The following HDAC9 variants were observed in gnomAD, a reference collection of about 807,000 sequenced individuals.
HDAC9 encodes histone deacetylase 9, also known as MEF-2 interacting transcription repressor (MITR) protein.
In HDAC9, 41 loss-of-function variants were observed where a neutral mutation model predicts 139.4. That is an observed-to-expected ratio of 0.29 (90% CI 0.23 to 0.38). HDAC9 has a LOEUF of 0.38. Among genes scored for constraint, HDAC9 ranks in the 10% least tolerant of loss-of-function variants. HDAC9 has a pLI of 1.00. For missense variants in HDAC9, 1,147 were observed against 1,297.0 expected, an observed-to-expected ratio of 0.88 and a Z score of 1.78; for synonymous variants, 517 against 476.2, an observed-to-expected ratio of 1.09 and a Z score of -1.12.
At chr7:18,194,829 A>G (rs2128154090) in intron 2 of HDAC9, among the ~76,000 whole-genome samples, 1 of 152,212 alleles carries the variant, frequency 6.6e-6, no homozygotes, top group Non-Finnish European at 1.5e-5. Context: ...TTGCTTGCCA[A>G]TGTGGTATTT....
intron 2 of HDAC9, among the ~76,000 whole-genome samples, chr7:18,281,248 A>T (rs954886385): frequency 1.3e-5 from 2 of 152,230 alleles, no homozygotes; most frequent in African/African-American, 4.8e-5. Context: ...AACTTTCTAT[A>T]TGATGACCTT....
intron 13 of HDAC9, among the ~76,000 whole-genome samples, chr7:18,730,675 C>T (rs1785966150): frequency 6.6e-6 from 1 of 152,174 alleles, no homozygotes; most frequent in African/African-American, 2.4e-5. Context: ...ATGCTGTGGC[C>T]ATAGCTTTTG....
chr7:18,348,213 A>G (rs1782574497), intron 1 of HDAC9, among the ~76,000 whole-genome samples: 1 of 152,218 alleles, frequency 6.6e-6, no homozygotes, highest in African/African-American at 2.4e-5. Flanking sequence ...GGAAACATTT[A>G]TCTGATTTAA....
chr7:18,987,534 TG>T (rs1231219323), intron 25 of HDAC9, among the ~76,000 whole-genome samples: 1 of 152,242 alleles, frequency 6.6e-6, no homozygotes, highest in Admixed American at 6.5e-5. Flanking sequence ...TTCTCTTTTT[TG>T]GTTGTGTCTC....
At chr7:18,313,518 T>C (rs548930085) in intron 1 of HDAC9, among the ~76,000 whole-genome samples, 32 of 152,296 alleles carry the variant, frequency 2.1e-4, no homozygotes, top group African/African-American at 7.5e-4. Flanking sequence ...AGTAAAGATG[T>C]GGAACACACT....
chr7:18,382,848 A>G (rs147435352), intron 1 of HDAC9, among the ~76,000 whole-genome samples: 309 of 152,346 alleles, frequency 2.0e-3, no homozygotes, highest in South Asian at 4.8e-3. Context: ...AACTTAAGGA[A>G]GTATAGAACA....
chr7:18,388,667 G>A lies in HDAC9; in HGVS notation c.-42+98152G>A, dbSNP rs1041197621. On this transcript the variant is annotated intron_variant, in intron 1 of 3. Coordinates refer to the HDAC9 transcript ENST00000413509. Reference sequence around the variant, plus strand: ...CTCTTTTTCTTTCTTTCCATGCCCCGTGCTTCTTTCTCTACTCAGTGGTGG... The same window carrying A: ...CTCTTTTTCTTTCTTTCCATGCCCCATGCTTCTTTCTCTACTCAGTGGTGG... Among the ~76,000 whole-genome samples the A allele has an allele frequency of 3.9e-5, 6 of 151,986 alleles. No individual in the cohort carries two copies. In the East Asian group the frequency reaches 5.8e-4, roughly 15 times the overall value.
intron 23 of HDAC9, among the ~76,000 whole-genome samples, chr7:18,944,218 A>C (rs1782213768): frequency 6.6e-6 from 1 of 152,126 alleles, no homozygotes; most frequent in Non-Finnish European, 1.5e-5. Context: ...TCTTCATTAC[A>C]ATCTGCTTCC....
intron 23 of HDAC9, among the ~76,000 whole-genome samples, chr7:18,948,627 G>A (rs1336654529): frequency 1.3e-5 from 2 of 151,928 alleles, no homozygotes; most frequent in Admixed American, 1.3e-4. Flanking sequence ...ACACATTTTT[G>A]TATCCCCACC....
At chr7:18,965,233 A>G (rs1240850252) in intron 24 of HDAC9, among the ~76,000 whole-genome samples, 1 of 152,326 alleles carries the variant, frequency 6.6e-6, no homozygotes, top group South Asian at 2.1e-4. Flanking sequence ...ATAATTCACT[A>G]TTCATGTTGG....
chr7:18,556,106 T>G (rs1200046741), intron 2 of HDAC9, among the ~76,000 whole-genome samples: 2 of 151,976 alleles, frequency 1.3e-5, no homozygotes, highest in East Asian at 3.9e-4. Flanking sequence ...GCTTCAAAAG[T>G]TTCAGGTTAT....
chr7:18,272,416 T>C (rs1796411131), intron 2 of HDAC9, among the ~76,000 whole-genome samples: 1 of 152,124 alleles, frequency 6.6e-6, no homozygotes, highest in African/African-American at 2.4e-5. Context: ...AGGGATAATT[T>C]TTTTCTACAA....
intron 12 of HDAC9, among the ~76,000 whole-genome samples, chr7:18,707,280 G>A (rs1010423240): frequency 6.6e-6 from 1 of 152,216 alleles, no homozygotes; most frequent in Non-Finnish European, 1.5e-5. Flanking sequence ...AGGTAAAGAG[G>A]TCACTAGTCA....
intron 1 of HDAC9, among the ~76,000 whole-genome samples, chr7:18,139,537 A>C (rs573994491): frequency 6.6e-6 from 1 of 152,302 alleles, no homozygotes; most frequent in Admixed American, 6.5e-5. Context: ...TGTCAGGGAA[A>C]AGTAAAGTGG....
chr7:18,633,030 G>A (rs1782815237), intron 7 of HDAC9, among the ~76,000 whole-genome samples: 3 of 152,040 alleles, frequency 2.0e-5, no homozygotes, highest in African/African-American at 7.2e-5. Flanking sequence ...ATTTGGGCTG[G>A]AATTTATGAG....
chr7:18,648,621 C>A lies in HDAC9; in HGVS notation c.1405C>A (p.Gln469Lys). The A allele has an allele frequency of 6.2e-7, 1 of 1,613,472 alleles. No individual in the cohort carries two copies. Among genetic ancestry groups the A allele is most frequent in the Non-Finnish European group, 8.5e-7 (1 of 1,179,674 alleles). Residue 469 changes from glutamine (Q) to lysine (K), a missense_variant, in exon 11 of 26, where the codon CAG becomes AAG. Gln to Lys is a moderately conservative substitution (Grantham distance 53). Transcript: ENST00000686413. ...QSTLAQLVIQQQHQQFLEKQK... is the reference protein window; with the variant it reads ...QSTLAQLVIQKQHQQFLEKQK... ...CACGTTGGCTCAGCTGGTCATTCAACAGCAACACCAGCAATTCTTGGAGAA... is the reference window on the plus strand; with the variant it reads ...CACGTTGGCTCAGCTGGTCATTCAAAAGCAACACCAGCAATTCTTGGAGAA...
intron 6 of HDAC9, among the ~76,000 whole-genome samples, chr7:18,595,224 T>G (rs1832133740): frequency 1.3e-5 from 2 of 152,062 alleles, no homozygotes; most frequent in South Asian, 4.1e-4. Flanking sequence ...GCCCAAATAT[T>G]TTTGCATTTC....
rs73320065 is a variant in HDAC9 at position 18,878,164 on chromosome 7, C to T, written c.2803+3568C>T. 7.4e-3 allele frequency among the ~76,000 whole-genome samples: 1,132 copies of T among 152,192 alleles called. 19 individuals carry two copies. The highest frequency in any genetic ancestry group is 0.025 in the African/African-American group (1,057 of 41,544). Reference sequence around the variant, plus strand: ...ATTAATTCATCATATACTACCACCCCCTGGCTTTATAGTGTTGTTAACATT... The same window carrying T: ...ATTAATTCATCATATACTACCACCCTCTGGCTTTATAGTGTTGTTAACATT... On this transcript the variant is annotated intron_variant, in intron 22 of 25. Transcript: ENST00000686413.
chr7:18,318,293 AC>A (rs1254091953), intron 1 of HDAC9, among the ~76,000 whole-genome samples: 1 of 152,266 alleles, frequency 6.6e-6, no homozygotes, highest in Non-Finnish European at 1.5e-5. Flanking sequence ...TTAATTCAAT[AC>A]AAAAATGCTA....
Sources: allele counts gnomAD v4.1 joint callset (sites outside exome capture counted in the v4.1 genomes callset), GRCh38; gene constraint gnomAD v4.1.1; transcripts MANE v1.5; gene names NCBI Gene and HGNC (gene_info 2026-07-23, HGNC 2026-07-21).